Variants in NDOR1 observed in about 807,000 individuals in gnomAD.
NDOR1 encodes NADPH dependent diflavin oxidoreductase 1.
A neutral mutation model predicts 67.2 loss-of-function variants in NDOR1; 61 were observed. The ratio of observed to expected loss-of-function variants is 0.91; its 90% CI spans 0.74 to 1.12. The LOEUF is 1.12. Ranked by LOEUF, NDOR1 falls within the 50% of genes most tolerant of loss-of-function variation. The probability of loss-of-function intolerance (pLI) is 0.00; values close to 1 mark genes in which losing one functional copy is unlikely to be tolerated. For synonymous variants in NDOR1, 378 were observed against 343.7 expected (o/e 1.10, Z -1.10); for missense variants, 878 against 802.8 (o/e 1.09, Z -1.13).
chr9:137,215,347 G>A (rs1005252847), intron 9 of NDOR1, 60 bp from the exon 10 acceptor site: 33 of 1,575,704 alleles, frequency 2.1e-5, no homozygotes, highest in East Asian at 9.0e-5. Context: ...TGGGGCCCAC[G>A]GCCCAGGCAC....
chr9:137,214,730 C>T, intron 7 of NDOR1, 39 bp downstream of exon 7: 1 of 1,597,794 alleles, frequency 6.3e-7, no homozygotes, highest in African/African-American at 1.3e-5. Context: ...TCTGCCCTCT[C>T]CCGTGCCCTG....
In NDOR1 at chr9:137,216,120, G is replaced by A; in HGVS notation, c.1581G>A (p.Arg527=). The A allele has an allele frequency of 6.2e-7, 1 of 1,613,542 alleles. No homozygotes were observed. Among genetic ancestry groups the A allele is most frequent in the Non-Finnish European group, 8.5e-7 (1 of 1,180,016 alleles). The change falls in exon 13 of 14, where the codon CGG becomes CGA. Residue 527 remains arginine, a synonymous_variant. Transcript: ENST00000684003. The part of the protein sequence containing the change: ...EQEQKVYVQH[R]LRELGSLVWE... ...AGCAGAAAGTATATGTGCAGCACCG[G>A]CTCCGGGAGCTGGGGTCGCTTGTGT...
chr9:137,218,868 G>A lies in NDOR1; in HGVS notation c.*2452G>A. 1 of 380,234 alleles carries A rather than the reference G, an allele frequency of 2.6e-6. No homozygotes were observed. Among genetic ancestry groups the A allele is most frequent in the Non-Finnish European group, 4.7e-6 (1 of 214,784 alleles). The allele number at this position is 380,234 out of a possible 1,614,324, so 23.6% of individuals were successfully genotyped here. On this transcript the variant is annotated 3_prime_UTR_variant, in exon 14 of 14. Coordinates refer to ENST00000684003, the MANE Select transcript of NDOR1 (RefSeq NM_014434.4). ...CCAGCGCCCAAGGACAGCTCCTGGAGGAGGCCAGCCCAGCAGGAAAGTCTG... is the reference window on the plus strand; with the variant it reads ...CCAGCGCCCAAGGACAGCTCCTGGAAGAGGCCAGCCCAGCAGGAAAGTCTG...
intron 2 of NDOR1, among the ~76,000 whole-genome samples, chr9:137,208,143 C>CA (rs34327783): frequency 0.085 from 4,809 of 56,862 alleles, 121 homozygotes; most frequent in Non-Finnish European, 0.11. Flanking sequence ...TAGACTCTGT[C>CA]AAAAAAAAAA....
rs750433403 is a variant in NDOR1, at chr9:137,212,579, C to T, written c.291C>T (p.Leu97=). The change falls in exon 3 of 14, where the codon CTC becomes CTT. Residue 97 remains leucine (L), a synonymous_variant. Transcript: ENST00000684003. The surrounding 1 kb of genome is among the most constrained non-coding windows in gnomAD (Gnocchi z 4.3). ...LCQMDFAVLG[L]GDSSYAKFNF... ...AGATGGACTTTGCCGTCCTGGGCCTCGGGGACTCCTCATACGCCAAGTGAG... is the reference window on the plus strand; with the variant it reads ...AGATGGACTTTGCCGTCCTGGGCCTTGGGGACTCCTCATACGCCAAGTGAG... 1.7e-5 allele frequency: 28 copies of T among 1,613,978 alleles called. No individual in the cohort carries two copies. Among genetic ancestry groups the T allele is most frequent in the Middle Eastern group, 1.7e-4 (1 of 6,060 alleles).
Position 137,212,807 on chromosome 9 carries a change from G to T in NDOR1, c.311+208G>T, listed in dbSNP as rs572069937. The stretch of plus-strand genomic sequence containing the variant: ...GGCACAGAGGGGAGCAGGCAGGGTG[G>T]CAAAGGGCTGGGCTCCAGCCACGCT... On this transcript the variant is annotated intron_variant, in intron 3 of 13. Transcript: ENST00000684003. The surrounding 1 kb of genome is among the most constrained non-coding windows in gnomAD (Gnocchi z 4.3). 1.4e-5 allele frequency: 8 copies of T among 567,438 alleles called. No individual in the cohort carries two copies. The Admixed American group carries it at 2.4e-4, about 17-fold the overall frequency. 35.2% of individuals were successfully genotyped at this position (567,438 alleles called of 1,614,324 possible).
intron 5 of NDOR1, 43 bp downstream of exon 5, chr9:137,214,111 A>G (rs1305206463): frequency 7.8e-6 from 12 of 1,530,162 alleles, no homozygotes; most frequent in South Asian, 2.4e-5. Context: ...AGCAGACCCA[A>G]CCTGGCCTGG....
chr9:137,215,539 G>A lies in NDOR1; in HGVS notation c.1288+18G>A. 1 of 1,612,450 alleles carries A rather than the reference G, an allele frequency of 6.2e-7. No individual in the cohort carries two copies. On this transcript the variant is annotated intron_variant, in intron 10 of 13. Coordinates refer to ENST00000684003, the MANE Select transcript of NDOR1 (RefSeq NM_014434.4). ...TGGGCAAGGTGACCCCTGCTCCCAGGGTGGGGGCCGTGGGCCCATATCCCC... is the reference window on the plus strand; with the variant it reads ...TGGGCAAGGTGACCCCTGCTCCCAGAGTGGGGGCCGTGGGCCCATATCCCC...
Position 137,218,597 on chromosome 9 carries a change from C to A in NDOR1, c.*2181C>A, listed in dbSNP as rs904949200. On this transcript the variant is annotated 3_prime_UTR_variant, in exon 14 of 14. Coordinates refer to ENST00000684003, the MANE Select transcript of NDOR1 (RefSeq NM_014434.4). ...CTTCGTGCTCCTGGACCGCTCTGGC[C>A]GCTGAGCAGAGCCCAGGACAGCCCC... is the stretch of plus-strand genomic sequence containing the variant. 2.3e-5 allele frequency: 9 copies of A among 398,742 alleles called. No individual in the cohort carries two copies. The highest frequency in any genetic ancestry group is 4.0e-5 in the Non-Finnish European group (9 of 226,282). 24.7% of individuals were successfully genotyped at this position (398,742 alleles called of 1,614,324 possible).
Position 137,206,329 on chromosome 9 carries a change from G to C in NDOR1, c.213+20G>C, listed in dbSNP as rs575000867. On this transcript the variant is annotated intron_variant, in intron 2 of 13. Coordinates refer to ENST00000684003, the MANE Select transcript of NDOR1 (RefSeq NM_014434.4). Reference sequence around the variant, plus strand: ...ATGAAGGTAAGGCTGGCCTGATGTGGCTCCTCAGATCCCTGCCCTCGACCC... The same window carrying C: ...ATGAAGGTAAGGCTGGCCTGATGTGCCTCCTCAGATCCCTGCCCTCGACCC... 6.2e-7 allele frequency: 1 copy of C among 1,613,334 alleles called. No individual in the cohort carries two copies. Among genetic ancestry groups the C allele is most frequent in the Non-Finnish European group, 8.5e-7 (1 of 1,179,480 alleles).
rs978312463 is a variant in NDOR1 at position 137,212,489 on chromosome 9, C to T, written c.214-13C>T. 1.2e-5 allele frequency: 19 copies of T among 1,612,722 alleles called. No homozygotes were observed. In the Admixed American group the frequency reaches 1.3e-4, roughly 11 times the overall value. On this transcript the variant is annotated splice_polypyrimidine_tract_variant and intron_variant, in intron 2 of 13. Transcript: ENST00000684003. This position sits in a 1 kb window ranked among gnomAD's most constrained non-coding sequence, Gnocchi z 4.3. ...GGTCGAGGACTCTGACTCAGAGTTTCCTCCGGCTGTAGAACTTCTGGAGGT... is the reference window on the plus strand; with the variant it reads ...GGTCGAGGACTCTGACTCAGAGTTTTCTCCGGCTGTAGAACTTCTGGAGGT...
intron 6 of NDOR1, 30 bp from the exon 7 acceptor site, chr9:137,214,540 C>A (rs757220701): frequency 1.2e-6 from 2 of 1,610,538 alleles, no homozygotes; most frequent in East Asian, 4.5e-5. Context: ...CTGCGGCGTC[C>A]CCACAGCCCT....
rs748099024 is a variant in NDOR1, at chr9:137,215,097, G to A, written c.1068G>A (p.Val356=). ...ACCCTGAGACTCTCTTTGCCTAGGT[G>A]CTCTGTGACTTCCCGCACACAGCTG... ...CNRPRRTILE[V]LCDFPHTAAA... is the part of the protein sequence containing the mutation. The change falls in exon 9 of 14, where the codon GTG becomes GTA. Residue 356 remains valine, a splice_region_variant and synonymous_variant. Coordinates refer to ENST00000684003, the MANE Select transcript of NDOR1 (RefSeq NM_014434.4). The A allele has an allele frequency of 1.9e-6, 3 of 1,613,720 alleles. No individual in the cohort carries two copies. The South Asian group carries it at 3.3e-5, about 18-fold the overall frequency.
intron 2 of NDOR1, among the ~76,000 whole-genome samples, chr9:137,210,389 AT>A (rs753559774): frequency 0.024 from 3,447 of 142,420 alleles, 66 homozygotes; most frequent in African/African-American, 0.061. Flanking sequence ...CATGCAACTA[AT>A]TTTTTTTTTT....
At chr9:137,206,091 C>T in intron 1 of NDOR1, 141 bp from the exon 2 acceptor site, 4 of 1,436,362 alleles carry the variant, frequency 2.8e-6, no homozygotes, top group South Asian at 1.2e-5. Context: ...GAGGTTGGAA[C>T]CTGAAAGAGA....
rs1471538818 is a variant in NDOR1, at chr9:137,215,765, C to A, written c.1395C>A (p.Phe465Leu). The A allele has an allele frequency of 1.3e-6, 2 of 1,598,776 alleles. No individual in the cohort carries two copies. The highest frequency in any genetic ancestry group is 1.7e-6 in the Non-Finnish European group (2 of 1,171,714). Residue 465 changes from phenylalanine (F) to leucine (L), a missense_variant, in exon 11 of 14, where the codon TTC (phenylalanine) becomes TTA (leucine). By Grantham distance (22) the Phe-to-Leu change is conservative (BLOSUM62 0). Transcript: ENST00000684003. ...GGCCTGGCACTGGGGTAGCCCCCTT[C>A]CGAGCAGCCATCCAGGAGCGTGTGG... The part of the protein sequence containing the change: ...MVGPGTGVAP[F>L]RAAIQERVAQ...
Position 137,214,656 on chromosome 9 carries a change from C to T in NDOR1, c.809C>T (p.Pro270Leu). 2.5e-6 allele frequency: 4 copies of T among 1,607,124 alleles called. No individual in the cohort carries two copies. The highest frequency in any genetic ancestry group is 3.4e-6 in the Non-Finnish European group (4 of 1,179,928). ...QRFCQVLGLD[P>L]DQLFMLQPRE... The stretch of plus-strand genomic sequence containing the variant: ...TTCTGCCAGGTGCTGGGCCTGGACC[C>T]TGACCAGCTCTTCATGCTGCAGCCG... The change falls in exon 7 of 14, where the codon CCT (proline) becomes CTT (leucine). Residue 270 changes from proline to leucine, a missense_variant. Coordinates refer to ENST00000684003, the MANE Select transcript of NDOR1 (RefSeq NM_014434.4).
intron 2 of NDOR1, among the ~76,000 whole-genome samples, chr9:137,210,854 A>G (rs1186966850): frequency 6.6e-6 from 1 of 152,074 alleles, no homozygotes; most frequent in Admixed American, 6.6e-5. Context: ...CTCAACAACA[A>G]AAAAGGCCGG....
Position 137,218,507 on chromosome 9 carries a change from C to T in NDOR1, c.*2091C>T. ...TGCCCGCCGCCTGGCGCTGCTGAGC[C>T]TGCTGGCCCTTGAGCTTCTGGGGCT... On this transcript the variant is annotated 3_prime_UTR_variant, in exon 14 of 14. Transcript: ENST00000684003. 2.5e-6 allele frequency: 1 copy of T among 400,508 alleles called. No individual in the cohort carries two copies. 24.8% of individuals were successfully genotyped at this position (400,508 alleles called of 1,614,324 possible). A position where few individuals can be genotyped will look rare whatever the true frequency, so the allele number is the denominator to read the frequency against.
Sources: gnomAD v4.1 joint callset for allele counts (sites outside exome capture counted in the v4.1 genomes callset) on GRCh38, gnomAD v4.1.1 for gene constraint, Gnocchi (gnomAD v3.1) non-coding constraint, MANE v1.5 for transcripts, NCBI Gene and HGNC (gene_info 2026-07-23, HGNC 2026-07-21) for gene names.